The following RNF138 variants were observed in gnomAD, a reference collection of about 807,000 sequenced individuals.
RNF138 encodes the protein E3 ubiquitin-protein ligase RNF138.
RNF138 carries 12 observed loss-of-function variants against 31.0 expected under a neutral mutation model. That is an observed-to-expected ratio of 0.39 (90% CI 0.25 to 0.63). The LOEUF is 0.63. RNF138 is among the 20% of genes least tolerant of loss of function. The pLI is 0.52. For missense variants in RNF138, 192 were observed against 300.1 expected, an observed-to-expected ratio of 0.64 and a Z score of 2.66; for synonymous variants, 105 against 99.5, an observed-to-expected ratio of 1.06 and a Z score of -0.33.
chr18:32,110,872 C>A (rs967483480), intron 2 of RNF138, among the ~76,000 whole-genome samples: 14 of 152,026 alleles, frequency 9.2e-5, no homozygotes, highest in Non-Finnish European at 1.8e-4. Context: ...CCTCTGTCTC[C>A]TGGGTTCATG....
intron 4 of RNF138, among the ~76,000 whole-genome samples, chr18:32,117,992 G>C (rs930159835): frequency 6.6e-6 from 1 of 152,098 alleles, no homozygotes; most frequent in Non-Finnish European, 1.5e-5. Flanking sequence ...TCTGTTTTCA[G>C]GCTGTTCTTA....
intron 2 of RNF138, among the ~76,000 whole-genome samples, chr18:32,106,857 C>T (rs1056055599): frequency 1.3e-5 from 2 of 151,710 alleles, no homozygotes; most frequent in South Asian, 2.1e-4. Flanking sequence ...TGAGCCACCG[C>T]GCCCGGCTGA....
chr18:32,093,331 CG>C (rs1398365599), intron 2 of RNF138, among the ~76,000 whole-genome samples: 1 of 151,964 alleles, frequency 6.6e-6, no homozygotes, highest in African/African-American at 2.4e-5. Context: ...GCGGTGCTCG[CG>C]CGGGCCCGCT....
chr18:32,123,404 C>T (rs1293687303), intron 4 of RNF138, 114 bp from the exon 5 acceptor site: 2 of 646,458 alleles, frequency 3.1e-6, no homozygotes, highest in Non-Finnish European at 4.9e-6. Flanking sequence ...TATTGAAGTT[C>T]AGACTTTTAA....
chr18:32,127,085 T>C lies in RNF138; in HGVS notation c.669+285T>C, dbSNP rs1363991841. Among the ~76,000 whole-genome samples, 6 of 152,078 alleles carry C rather than the reference T, an allele frequency of 3.9e-5. No homozygotes were observed. The East Asian group carries it at 1.2e-3, about 29-fold the overall frequency. On this transcript the variant is annotated intron_variant, in intron 7 of 7. Transcript: ENST00000261593. ...ATTTACATGAAAACTCTGTCAAGAT[T>C]TAAGGGAAAATTGTACCTACAAGAG...
chr18:32,110,128 C>T (rs1328861915), intron 2 of RNF138, among the ~76,000 whole-genome samples: 3 of 151,964 alleles, frequency 2.0e-5, no homozygotes, highest in Non-Finnish European at 2.9e-5. Flanking sequence ...TGGGACTGGA[C>T]GTGCATGCTA....
rs1249152381 is a variant in RNF138 at position 32,130,326 on chromosome 18, A to G, written c.*1139A>G. ...TACACACACACAATTACCTGTTTAT[A>G]TGGTGCTCATTTGTTATTCTCAAAT... is the stretch of plus-strand genomic sequence containing the variant. On this transcript the variant is annotated 3_prime_UTR_variant, in exon 8 of 8. Coordinates refer to ENST00000261593, the MANE Select transcript of RNF138 (RefSeq NM_016271.5). The G allele has an allele frequency of 2.0e-5, 3 of 152,370 alleles. No homozygotes were observed. Among genetic ancestry groups the G allele is most frequent in the Non-Finnish European group, 4.4e-5 (3 of 67,860 alleles). 9.4% of individuals were successfully genotyped at this position (152,370 alleles called of 1,614,324 possible).
At chr18:32,111,084 C>T (rs185531905) in intron 2 of RNF138, among the ~76,000 whole-genome samples, 28 of 152,320 alleles carry the variant, frequency 1.8e-4, no homozygotes, top group African/African-American at 5.1e-4. Flanking sequence ...CCGGCAAAGC[C>T]GGAAGTATTC....
At chr18:32,101,541 A>C (rs752659184) in intron 2 of RNF138, among the ~76,000 whole-genome samples, 1 of 152,168 alleles carries the variant, frequency 6.6e-6, no homozygotes, top group African/African-American at 2.4e-5. Context: ...CTCATCTGTA[A>C]AATGAAGGAA....
At chr18:32,093,031 GCC>G in intron 2 of RNF138, 145 bp downstream of exon 2, 1 of 472,296 alleles carries the variant, frequency 2.1e-6, no homozygotes, top group Non-Finnish European at 3.7e-6. Flanking sequence ...CCCGTTCCCC[GCC>G]CCTCAGAGTC....
intron 2 of RNF138, among the ~76,000 whole-genome samples, chr18:32,109,906 A>G (rs1168485469): frequency 6.6e-6 from 1 of 151,900 alleles, no homozygotes; most frequent in Non-Finnish European, 1.5e-5. Context: ...AATAAATAAA[A>G]CTAGTTTTTA....
intron 2 of RNF138, among the ~76,000 whole-genome samples, chr18:32,103,313 C>T (rs2039973328): frequency 6.6e-6 from 1 of 151,944 alleles, no homozygotes; most frequent in African/African-American, 2.4e-5. Context: ...CTCATCCTTG[C>T]AAGTAGCTGA....
In RNF138 at chr18:32,111,877, A is replaced by G. The variant is rs2040137804; in HGVS notation, c.234A>G (p.Ile78Met). Residue 78 changes from isoleucine to methionine, a missense_variant, in exon 3 of 8, where the codon ATA becomes ATG. Coordinates refer to ENST00000261593, the MANE Select transcript of RNF138 (RefSeq NM_016271.5). ...AACGGGCCTTAGACCTTGAAAATAT[A>G]ATGAGGAAGTTTTCTGGTAGCTGCA... Reference protein sequence around the residue: ...CPERALDLENIMRKFSGSCRC... With the variant: ...CPERALDLENMMRKFSGSCRC... 6.2e-7 allele frequency: 1 copy of G among 1,613,414 alleles called. No individual in the cohort carries two copies. Among genetic ancestry groups the G allele is most frequent in the East Asian group, 2.2e-5 (1 of 44,858 alleles).
At chr18:32,102,675 C>G (rs2039964031) in intron 2 of RNF138, among the ~76,000 whole-genome samples, 1 of 151,774 alleles carries the variant, frequency 6.6e-6, no homozygotes, top group Non-Finnish European at 1.5e-5. Flanking sequence ...TTCCGTTGCC[C>G]AGGCTGGAGT....
chr18:32,118,835 A>T (rs2040258220), intron 4 of RNF138, among the ~76,000 whole-genome samples: 1 of 152,108 alleles, frequency 6.6e-6, no homozygotes, highest in Admixed American at 6.5e-5. Flanking sequence ...GTCTCAAAAA[A>T]AAAGAAAATA....
chr18:32,106,185 G>C (rs72940731), intron 2 of RNF138, among the ~76,000 whole-genome samples: 12,694 of 152,196 alleles, frequency 0.083, 615 homozygotes, highest in Non-Finnish European at 0.1. Context: ...ATTTTTATTT[G>C]GATTGTTTGG....
intron 2 of RNF138, among the ~76,000 whole-genome samples, chr18:32,093,172 A>C (rs1440630342): frequency 6.7e-6 from 1 of 150,134 alleles, no homozygotes; most frequent in Non-Finnish European, 1.5e-5. Context: ...CCCCCGGGGC[A>C]GTGGCCAGGC....
chr18:32,126,940 A>C (rs1246160823), intron 7 of RNF138, 140 bp downstream of exon 7: 1 of 562,362 alleles, frequency 1.8e-6, no homozygotes, highest in Non-Finnish European at 3.2e-6. Flanking sequence ...GTTTTTAATA[A>C]TACTGGTGAA....
At chr18:32,096,257 G>C (rs2039802561) in intron 2 of RNF138, among the ~76,000 whole-genome samples, 1 of 152,180 alleles carries the variant, frequency 6.6e-6, no homozygotes, top group Admixed American at 6.5e-5. Flanking sequence ...TTCATAGCAG[G>C]GTTTTCAGCT....
Sources: allele counts gnomAD v4.1 joint callset (sites outside exome capture counted in the v4.1 genomes callset), GRCh38; gene constraint gnomAD v4.1.1; transcripts MANE v1.5; gene names NCBI Gene and HGNC (gene_info 2026-07-23, HGNC 2026-07-21).